HIVEP2: variants seen among roughly 807,000 people sequenced by gnomAD.
HIVEP2 encodes the protein HIVEP zinc finger 2.
HIVEP2 carries 14 observed loss-of-function variants against 180.7 expected under a neutral mutation model. The ratio of observed to expected loss-of-function variants is 0.08; its 90% CI spans 0.05 to 0.12. HIVEP2 has a LOEUF of 0.12. Ranked by LOEUF, HIVEP2 falls within the 10% of genes least tolerant of loss-of-function variation. The pLI, the probability that HIVEP2 is intolerant of heterozygous loss-of-function variation, is 1.00. For synonymous variants in HIVEP2, 1,184 were observed against 1,136.4 expected, an observed-to-expected ratio of 1.04 and a Z score of -0.84; for missense variants, 2,579 against 3,008.5, an observed-to-expected ratio of 0.86 and a Z score of 3.34.
intron 2 of HIVEP2, among the ~76,000 whole-genome samples, chr6:142,789,865 G>C (rs552272253): frequency 6.6e-6 from 1 of 152,028 alleles, no homozygotes; most frequent in South Asian, 2.1e-4. Flanking sequence ...AAGGATCAAT[G>C]CTCCACTGAA....
chr6:142,930,191 T>C (rs2128438249), intron 1 of HIVEP2, among the ~76,000 whole-genome samples: 1 of 152,162 alleles, frequency 6.6e-6, no homozygotes, highest in South Asian at 2.1e-4. Flanking sequence ...CCAGCTCAAA[T>C]TAAATAGCTG....
intron 1 of HIVEP2, among the ~76,000 whole-genome samples, chr6:142,880,220 C>T (rs557990562): frequency 3.9e-5 from 6 of 152,232 alleles, no homozygotes; most frequent in Admixed American, 1.3e-4. Flanking sequence ...GAGAACAGTT[C>T]CCACCAGCAA....
At chr6:142,896,948 T>C (rs1455601701) in intron 1 of HIVEP2, among the ~76,000 whole-genome samples, 1 of 152,226 alleles carries the variant, frequency 6.6e-6, no homozygotes, top group East Asian at 1.9e-4. Flanking sequence ...CCAAGCTTTC[T>C]TGAGGTACAG....
Position 142,938,874 on chromosome 6 carries a change from C to G in HIVEP2, c.-641+6225G>C, listed in dbSNP as rs188851970. Among the ~76,000 whole-genome samples the G allele has an allele frequency of 7.6e-4, 116 of 152,310 alleles. 2 individuals carry two copies. Among genetic ancestry groups the G allele is most frequent in the Admixed American group, 7.5e-3 (115 of 15,300 alleles). ...ACTGCATTTCAAATACACTGCACTA[C>G]ACTATCTGTCCAGTATTGTAATGAT... On this transcript the variant is annotated intron_variant, in intron 1 of 9. Transcript: ENST00000367603.
At chr6:142,834,972 A>T (rs533072202) in intron 2 of HIVEP2, among the ~76,000 whole-genome samples, 236 of 85,714 alleles carry the variant, frequency 2.8e-3, no homozygotes, top group African/African-American at 7.1e-3. Flanking sequence ...CCTTACCAAA[A>T]GAAGTATTTG....
intron 2 of HIVEP2, among the ~76,000 whole-genome samples, chr6:142,798,919 G>T (rs1174166021): frequency 1.3e-5 from 2 of 152,088 alleles, no homozygotes; most frequent in African/African-American, 2.4e-5. Flanking sequence ...TAAAATATTG[G>T]CATTCTTATT....
intron 3 of HIVEP2, among the ~76,000 whole-genome samples, chr6:142,781,132 T>C (rs945741143): frequency 1.3e-5 from 2 of 152,224 alleles, no homozygotes; most frequent in African/African-American, 4.8e-5. Flanking sequence ...TAAAGATCTA[T>C]AGTAATATGG....
At chr6:142,862,483 TATAATC>T (rs1776007945) in intron 1 of HIVEP2, among the ~76,000 whole-genome samples, 4 of 99,016 alleles carry the variant, frequency 4.0e-5, no homozygotes, top group Admixed American at 9.1e-5. Context: ...TTATAATACA[TATAATC>T]GATTATATGT....
At chr6:142,802,551 C>A (rs961515473) in intron 2 of HIVEP2, among the ~76,000 whole-genome samples, 1 of 151,866 alleles carries the variant, frequency 6.6e-6, no homozygotes. Context: ...AACTACTATA[C>A]GTAAATCATG....
At chr6:142,904,201 A>G (rs1777205434) in intron 1 of HIVEP2, among the ~76,000 whole-genome samples, 1 of 152,212 alleles carries the variant, frequency 6.6e-6, no homozygotes, top group Non-Finnish European at 1.5e-5. Context: ...GGAAATTACA[A>G]AGATGAATTT....
intron 1 of HIVEP2, among the ~76,000 whole-genome samples, chr6:142,918,943 A>G (rs1286018329): frequency 6.6e-6 from 1 of 152,234 alleles, no homozygotes; most frequent in Non-Finnish European, 1.5e-5. Flanking sequence ...TTTATAATAC[A>G]TAATTCCCTA....
At chr6:142,912,199 T>A (rs1380217801) in intron 1 of HIVEP2, among the ~76,000 whole-genome samples, 2 of 152,206 alleles carry the variant, frequency 1.3e-5, no homozygotes, top group African/African-American at 4.8e-5. Context: ...AAGCCACTTG[T>A]GTTTAGTGGC....
At chr6:142,760,706 A>T in intron 8 of HIVEP2, 39 bp from the exon 9 acceptor site, 1 of 1,456,990 alleles carries the variant, frequency 6.9e-7, no homozygotes, top group South Asian at 1.3e-5. Context: ...ATCAAGATCC[A>T]AATATCAAGG....
chr6:142,857,863 C>T (rs937775238), intron 1 of HIVEP2, among the ~76,000 whole-genome samples: 1 of 152,134 alleles, frequency 6.6e-6, no homozygotes, highest in East Asian at 1.9e-4. Context: ...GGGGAAGCCA[C>T]GGGGCTGCGG....
intron 2 of HIVEP2, among the ~76,000 whole-genome samples, chr6:142,834,072 T>C (rs1312071829): frequency 6.6e-6 from 1 of 152,186 alleles, no homozygotes; most frequent in East Asian, 1.9e-4. Context: ...CACCCGGAGA[T>C]AACAGATAGC....
At chr6:142,835,724 AG>A (rs1775204598) in intron 2 of HIVEP2, among the ~76,000 whole-genome samples, 1 of 152,198 alleles carries the variant, frequency 6.6e-6, no homozygotes, top group African/African-American at 2.4e-5. Context: ...CCAAATGAAA[AG>A]GGGTCTCTGG....
At chr6:142,902,889 G>A (rs1329775667) in intron 1 of HIVEP2, among the ~76,000 whole-genome samples, 1 of 152,182 alleles carries the variant, frequency 6.6e-6, no homozygotes, top group Admixed American at 6.5e-5. Context: ...CAAGACGGGT[G>A]GAGAACCAAT....
At chr6:142,895,965 T>C (rs893173970) in intron 1 of HIVEP2, among the ~76,000 whole-genome samples, 4 of 152,236 alleles carry the variant, frequency 2.6e-5, no homozygotes, top group African/African-American at 9.6e-5. Context: ...AACCAATTAA[T>C]GGCCGATGTT....
intron 1 of HIVEP2, among the ~76,000 whole-genome samples, chr6:142,882,437 C>G (rs1229237567): frequency 6.6e-6 from 1 of 151,878 alleles, no homozygotes; most frequent in Non-Finnish European, 1.5e-5. Context: ...ACAGTGAGAT[C>G]CTGTTTCCAC....
Sources: allele counts gnomAD v4.1 joint callset (sites outside exome capture counted in the v4.1 genomes callset), GRCh38; gene constraint gnomAD v4.1.1; transcripts MANE v1.5; gene names NCBI Gene and HGNC (gene_info 2026-07-23, HGNC 2026-07-21).